TMEM65: variants seen among roughly 807,000 people sequenced by gnomAD.
The protein encoded by TMEM65 is transmembrane protein 65.
A neutral mutation model predicts 25.4 loss-of-function variants in TMEM65; 22 were observed. The ratio of observed to expected loss-of-function variants is 0.86; its 90% CI spans 0.62 to 1.23. The LOEUF (loss-of-function observed/expected upper bound fraction) is 1.23. TMEM65 is among the 50% of genes most tolerant of loss of function. The pLI, the probability that TMEM65 is intolerant of heterozygous loss-of-function variation, is 0.00. For missense variants in TMEM65, 262 were observed against 308.2 expected (o/e 0.85, Z 1.12); for synonymous variants, 132 against 126.2 (o/e 1.05, Z -0.31).
chr8:124,366,147 G>A (rs7827877), intron 1 of TMEM65, among the ~76,000 whole-genome samples: 3 of 152,284 alleles, frequency 2.0e-5, no homozygotes, highest in South Asian at 2.1e-4. Flanking sequence ...GCTTGAACCC[G>A]GGAGGCAGAG....
chr8:124,325,955 A>C (rs1309914814), intron 3 of TMEM65, among the ~76,000 whole-genome samples: 1 of 152,046 alleles, frequency 6.6e-6, no homozygotes, highest in Non-Finnish European at 1.5e-5. Flanking sequence ...AGTACACGTG[A>C]TCTCCAAAAC....
chr8:124,346,111 T>G (rs963003247), intron 1 of TMEM65, among the ~76,000 whole-genome samples: 1 of 152,194 alleles, frequency 6.6e-6, no homozygotes, highest in African/African-American at 2.4e-5. Flanking sequence ...CTTAAAATCG[T>G]GGCAGAGGGT....
chr8:124,316,575 T>G (rs1231647762), intron 6 of TMEM65, among the ~76,000 whole-genome samples: 1 of 151,980 alleles, frequency 6.6e-6, no homozygotes, highest in Non-Finnish European at 1.5e-5. Context: ...CATAAACCAG[T>G]GAGGGGTTTA....
Position 124,369,281 on chromosome 8 carries a change from T to A in TMEM65, c.304+2573A>T, listed in dbSNP as rs16899599. ...AAGATATCCCACAAGGTCTGCCTTA[T>A]CTATTACGAACTGATTCCAAAGCTT... On this transcript the variant is annotated intron_variant, in intron 1 of 6. Transcript: ENST00000297632. 8.5e-3 allele frequency among the ~76,000 whole-genome samples: 1,294 copies of A among 152,352 alleles called. 20 individuals carry two copies. Among genetic ancestry groups the A allele is most frequent in the African/African-American group, 0.03 (1,235 of 41,584 alleles).
At chr8:124,364,767 T>G (rs149982121) in intron 1 of TMEM65, among the ~76,000 whole-genome samples, 3 of 152,352 alleles carry the variant, frequency 2.0e-5, no homozygotes, top group Admixed American at 1.3e-4. Flanking sequence ...TACTTGTTTT[T>G]ATGTGTTTTC....
chr8:124,368,438 T>C (rs1328716191), intron 1 of TMEM65, among the ~76,000 whole-genome samples: 1 of 151,996 alleles, frequency 6.6e-6, no homozygotes, highest in Non-Finnish European at 1.5e-5. Context: ...CACTCCCTTG[T>C]ATTCACACCT....
chr8:124,321,015 A>C (rs944285489), intron 5 of TMEM65, among the ~76,000 whole-genome samples: 3 of 152,156 alleles, frequency 2.0e-5, no homozygotes, highest in African/African-American at 7.2e-5. Context: ...GGTTCTATTA[A>C]ATATATCAGA....
chr8:124,337,725 T>C (rs554742835), intron 1 of TMEM65, among the ~76,000 whole-genome samples: 1 of 152,136 alleles, frequency 6.6e-6, no homozygotes, highest in Non-Finnish European at 1.5e-5. Context: ...CTCCAATCTG[T>C]TCATGAGGAA....
intron 6 of TMEM65, among the ~76,000 whole-genome samples, chr8:124,318,684 T>C (rs534244430): frequency 1.3e-5 from 2 of 152,124 alleles, no homozygotes; most frequent in East Asian, 1.9e-4. Flanking sequence ...CTGCAATAAT[T>C]TACACAATAA....
chr8:124,338,961 C>T (rs1489445432), intron 1 of TMEM65, among the ~76,000 whole-genome samples: 2 of 151,522 alleles, frequency 1.3e-5, no homozygotes, highest in African/African-American at 2.4e-5. Context: ...GAGGCCAAGG[C>T]GGGTGGATCA....
At chr8:124,316,185 T>C (rs1814235736) in intron 6 of TMEM65, among the ~76,000 whole-genome samples, 1 of 152,216 alleles carries the variant, frequency 6.6e-6, no homozygotes, top group Non-Finnish European at 1.5e-5. Flanking sequence ...AACAAATTTT[T>C]CCATTGTGAA....
intron 1 of TMEM65, among the ~76,000 whole-genome samples, chr8:124,332,170 A>C (rs1300494191): frequency 6.6e-6 from 1 of 152,168 alleles, no homozygotes; most frequent in Non-Finnish European, 1.5e-5. Context: ...AAAGCATCCA[A>C]GTGGTTTGCC....
At chr8:124,342,658 G>A (rs1457806826) in intron 1 of TMEM65, among the ~76,000 whole-genome samples, 1 of 152,116 alleles carries the variant, frequency 6.6e-6, no homozygotes, top group African/African-American at 2.4e-5. Flanking sequence ...GGTCATTCCT[G>A]ACTCCTGAAA....
intron 1 of TMEM65, among the ~76,000 whole-genome samples, chr8:124,368,951 C>G (rs1303123474): frequency 1.3e-5 from 2 of 152,092 alleles, no homozygotes; most frequent in African/African-American, 2.4e-5. Flanking sequence ...TTTTCAATAC[C>G]AAATTGCTAT....
chr8:124,318,364 TTTTTG>T (rs1352317500), intron 6 of TMEM65, among the ~76,000 whole-genome samples: 28 of 89,416 alleles, frequency 3.1e-4, no homozygotes, highest in African/African-American at 5.1e-4. Context: ...AATTTGCATG[TTTTTG>T]TTTTTTTTTT....
At chr8:124,318,642 C>G (rs944741098) in intron 6 of TMEM65, among the ~76,000 whole-genome samples, 11 of 152,188 alleles carry the variant, frequency 7.2e-5, no homozygotes, top group South Asian at 2.1e-4. Flanking sequence ...TCCCAAAGTG[C>G]TGGGATTACA....
intron 6 of TMEM65, among the ~76,000 whole-genome samples, chr8:124,319,128 G>A (rs1814274688): frequency 6.6e-6 from 1 of 152,116 alleles, no homozygotes; most frequent in East Asian, 1.9e-4. Flanking sequence ...TTTGTTGAAT[G>A]AAGGAGTGAC....
chr8:124,321,579 T>G (rs1464999032), intron 5 of TMEM65, among the ~76,000 whole-genome samples: 1 of 152,106 alleles, frequency 6.6e-6, no homozygotes, highest in Non-Finnish European at 1.5e-5. Flanking sequence ...AACCCATATA[T>G]GCTTTGGCCA....
At chr8:124,336,686 G>C (rs934389056) in intron 1 of TMEM65, among the ~76,000 whole-genome samples, 1 of 151,842 alleles carries the variant, frequency 6.6e-6, no homozygotes, top group East Asian at 1.9e-4. Context: ...AATGCTTAGG[G>C]GGAAATTTAC....
Sources: allele counts gnomAD v4.1 joint callset (sites outside exome capture counted in the v4.1 genomes callset), GRCh38; gene constraint gnomAD v4.1.1; transcripts MANE v1.5; gene names NCBI Gene and HGNC (gene_info 2026-07-23, HGNC 2026-07-21).